TVP23B: variants seen among roughly 807,000 people sequenced by gnomAD.
The protein encoded by TVP23B is trans-golgi network vesicle protein 23 homolog B, also known as Golgi apparatus membrane protein TVP23 homolog B.
In TVP23B, 10 loss-of-function variants were observed where a neutral mutation model predicts 30.6. The ratio of observed to expected loss-of-function variants is 0.33; its 90% CI spans 0.20 to 0.55. The LOEUF is 0.55. Ranked by LOEUF, TVP23B falls within the 20% of genes least tolerant of loss-of-function variation. TVP23B has a pLI of 0.91. For synonymous variants in TVP23B, 67 were observed against 83.1 expected, an observed-to-expected ratio of 0.81 and a Z score of 1.06; for missense variants, 153 against 243.2, an observed-to-expected ratio of 0.63 and a Z score of 2.47.
At chr17:18,798,427 C>G (rs553658182) in intron 4 of TVP23B, among the ~76,000 whole-genome samples, 1 of 151,732 alleles carries the variant, frequency 6.6e-6, no homozygotes, top group Admixed American at 6.6e-5. Context: ...TCCTCTGGAC[C>G]CTAATTTGAC....
chr17:18,791,348 A>G (rs2035992103), intron 3 of TVP23B, among the ~76,000 whole-genome samples: 1 of 140,044 alleles, frequency 7.1e-6, no homozygotes, highest in Non-Finnish European at 1.5e-5. Flanking sequence ...TAGACCCTAC[A>G]ATGTTGCTTC....
chr17:18,800,086 C>A (rs2036136618), intron 5 of TVP23B, among the ~76,000 whole-genome samples: 2 of 151,974 alleles, frequency 1.3e-5, no homozygotes, highest in Admixed American at 6.6e-5. Flanking sequence ...AATATGGTTT[C>A]TTTAACTTCT....
chr17:18,781,352 G>C, intron 1 of TVP23B, 47 bp downstream of exon 1: 5 of 1,562,242 alleles, frequency 3.2e-6, no homozygotes, highest in Non-Finnish European at 4.3e-6. Context: ...CCTGGGACTG[G>C]CTCTGCAGGT....
At chr17:18,788,072 C>T (rs2151844369) in intron 1 of TVP23B, among the ~76,000 whole-genome samples, 1 of 115,092 alleles carries the variant, frequency 8.7e-6, no homozygotes, top group South Asian at 2.7e-4. Context: ...GGCATGGTGG[C>T]TCACGCCTGT....
intron 6 of TVP23B, among the ~76,000 whole-genome samples, chr17:18,805,294 C>T (rs2036231934): frequency 6.6e-6 from 1 of 151,970 alleles, no homozygotes; most frequent in South Asian, 2.1e-4. Flanking sequence ...CCGTGTTAGC[C>T]AGGATGGTCT....
At chr17:18,782,450 G>A (rs1026754447) in intron 1 of TVP23B, 3 of 149,958 alleles carry the variant, frequency 2.0e-5, no homozygotes, top group African/African-American at 7.4e-5. Context: ...AGGTTGCAGT[G>A]AGCCGCGGGC....
chr17:18,806,056 T>C lies in TVP23B; in HGVS notation c.*489T>C. The C allele has an allele frequency of 1.0e-6, 1 of 979,582 alleles. No homozygotes were observed. Among genetic ancestry groups the C allele is most frequent in the Non-Finnish European group, 1.2e-6 (1 of 824,518 alleles). The allele number at this position is 979,582 out of a possible 1,614,324, so 60.7% of individuals were successfully genotyped here. On this transcript the variant is annotated 3_prime_UTR_variant, in exon 7 of 7. Coordinates refer to ENST00000307767, the MANE Select transcript of TVP23B (RefSeq NM_016078.6). ...CTTATGTATAAGTTAGAAATAATTG[T>C]TAGTTTTTAATATGCACTTCGTGGG...
Position 18,803,124 on chromosome 17 carries a change from C to T in TVP23B, c.463-1014C>T, listed in dbSNP as rs1018091612. Among the ~76,000 whole-genome samples, 60 of 152,046 alleles carry T rather than the reference C, an allele frequency of 3.9e-4. 1 individual carries two copies. The highest frequency in any genetic ancestry group is 1.4e-3 in the African/African-American group (58 of 41,494). Reference sequence around the variant, plus strand: ...AGGAGAATAAATCTAGATTGGAAAACGACATTTCATTGAGCTGCTTTGCTT... The same window carrying T: ...AGGAGAATAAATCTAGATTGGAAAATGACATTTCATTGAGCTGCTTTGCTT... On this transcript the variant is annotated intron_variant, in intron 5 of 6. Coordinates refer to ENST00000307767, the MANE Select transcript of TVP23B (RefSeq NM_016078.6).
chr17:18,793,241 T>A (rs565225313), intron 3 of TVP23B, among the ~76,000 whole-genome samples: 1 of 152,028 alleles, frequency 6.6e-6, no homozygotes, highest in East Asian at 1.9e-4. Flanking sequence ...TGCTAAAGCT[T>A]ATATTGGTTT....
intron 5 of TVP23B, 91 bp downstream of exon 5, chr17:18,799,034 A>C: frequency 6.8e-7 from 1 of 1,468,374 alleles, no homozygotes; most frequent in Admixed American, 2.3e-5. Flanking sequence ...CCTTATCATT[A>C]GGGACCTATC....
chr17:18,793,288 A>G (rs2036024561), intron 3 of TVP23B, among the ~76,000 whole-genome samples: 1 of 152,050 alleles, frequency 6.6e-6, no homozygotes, highest in African/African-American at 2.4e-5. Flanking sequence ...TGAGTAAAAA[A>G]GGTTAAATAA....
At chr17:18,794,329 C>T (rs1028695680) in intron 3 of TVP23B, among the ~76,000 whole-genome samples, 2 of 152,160 alleles carry the variant, frequency 1.3e-5, no homozygotes, top group African/African-American at 2.4e-5. Context: ...TTGCCCAAAG[C>T]ACCTACATTT....
At chr17:18,803,279 G>A (rs983421723) in intron 5 of TVP23B, among the ~76,000 whole-genome samples, 3 of 152,078 alleles carry the variant, frequency 2.0e-5, no homozygotes, top group Non-Finnish European at 4.4e-5. Flanking sequence ...AAACAGCCTT[G>A]CCCACTTATA....
intron 5 of TVP23B, among the ~76,000 whole-genome samples, chr17:18,803,613 G>C (rs565875522): frequency 2.9e-4 from 44 of 152,356 alleles, no homozygotes; most frequent in African/African-American, 9.6e-4. Context: ...CTCCCTGCTC[G>C]GGGAAGGCAG....
At chr17:18,801,369 G>T (rs1482412749) in intron 5 of TVP23B, among the ~76,000 whole-genome samples, 1 of 150,948 alleles carries the variant, frequency 6.6e-6, no homozygotes, top group African/African-American at 2.4e-5. Context: ...TATCCATTTT[G>T]CTTATCCTTA....
At chr17:18,798,417 T>C (rs1276015872) in intron 4 of TVP23B, among the ~76,000 whole-genome samples, 135 of 151,446 alleles carry the variant, frequency 8.9e-4, no homozygotes, top group Non-Finnish European at 9.9e-4. Context: ...TTTTTTTTTT[T>C]CCTCTGGACC....
chr17:18,783,038 T>C (rs1270429774), intron 1 of TVP23B, among the ~76,000 whole-genome samples: 1 of 140,278 alleles, frequency 7.1e-6, no homozygotes, highest in Non-Finnish European at 1.6e-5. Flanking sequence ...CCAGGCCGGA[T>C]GAGGCTGGAG....
At chr17:18,799,452 G>A (rs906060980) in intron 5 of TVP23B, among the ~76,000 whole-genome samples, 17 of 152,062 alleles carry the variant, frequency 1.1e-4, no homozygotes, top group African/African-American at 3.4e-4. Context: ...TGGCCTCATG[G>A]TGGTGGGACT....
chr17:18,798,778 A>G, intron 4 of TVP23B, 34 bp from the exon 5 acceptor site: 1 of 1,581,752 alleles, frequency 6.3e-7, no homozygotes, highest in South Asian at 1.2e-5. Context: ...GATAAATTTC[A>G]CAACATGATA....
Sources: allele counts gnomAD v4.1 joint callset (sites outside exome capture counted in the v4.1 genomes callset), GRCh38; gene constraint gnomAD v4.1.1; transcripts MANE v1.5; gene names NCBI Gene and HGNC (gene_info 2026-07-23, HGNC 2026-07-21).